Variants in NARS2 observed in about 807,000 individuals in gnomAD.
NARS2 encodes asparaginyl-tRNA synthetase 2, mitochondrial, also known as asparaginyl-tRNA synthetase.
Under a neutral mutation model 62.9 loss-of-function variants are expected in NARS2, and 60 were observed. That is an observed-to-expected ratio of 0.95 (90% CI 0.77 to 1.18). NARS2 has a LOEUF of 1.18. Among genes scored for constraint, NARS2 ranks in the 50% most tolerant of loss-of-function variants. NARS2 has a pLI of 0.00. For missense variants in NARS2, 619 were observed against 576.4 expected (o/e 1.07, Z -0.76); for synonymous variants, 196 against 200.0 (o/e 0.98, Z 0.17).
At chr11:78,566,036 A>G (rs112020759) in intron 4 of NARS2, 96 bp downstream of exon 4, 1 of 1,044,742 alleles carries the variant, frequency 9.6e-7, no homozygotes, top group Admixed American at 2.5e-5. Context: ...ACCCATAACT[A>G]ACAGACATGT....
intron 11 of NARS2, among the ~76,000 whole-genome samples, chr11:78,448,797 T>C (rs1206985196): frequency 6.6e-6 from 1 of 152,180 alleles, no homozygotes; most frequent in Non-Finnish European, 1.5e-5. Flanking sequence ...GCTTTCTCTA[T>C]GCAGTTCATG....
intron 7 of NARS2, among the ~76,000 whole-genome samples, chr11:78,486,964 A>G (rs1167714781): frequency 1.3e-5 from 2 of 152,214 alleles, no homozygotes; most frequent in Non-Finnish European, 2.9e-5. Context: ...TAAAAATTTC[A>G]CAGGATGGGC....
intron 11 of NARS2, among the ~76,000 whole-genome samples, chr11:78,448,647 T>C (rs1857849213): frequency 6.6e-6 from 1 of 152,260 alleles, no homozygotes; most frequent in East Asian, 1.9e-4. Flanking sequence ...ATGTAAAGGT[T>C]AAAGCCAGGG....
chr11:78,453,934 ATAC>A (rs1340055959), intron 11 of NARS2, among the ~76,000 whole-genome samples: 1 of 152,202 alleles, frequency 6.6e-6, no homozygotes, highest in African/African-American at 2.4e-5. Flanking sequence ...TTTTGCAAAG[ATAC>A]TACTAATGGC....
chr11:78,545,356 A>G (rs1855823626), intron 5 of NARS2, among the ~76,000 whole-genome samples: 1 of 151,962 alleles, frequency 6.6e-6, no homozygotes, highest in Non-Finnish European at 1.5e-5. Flanking sequence ...GTTCCCACTA[A>G]TCTTCCTCTC....
chr11:78,521,164 TTC>T (rs1382067846), intron 6 of NARS2, among the ~76,000 whole-genome samples: 1 of 150,094 alleles, frequency 6.7e-6, no homozygotes, highest in Admixed American at 6.6e-5. Context: ...TTCTCTCTCT[TTC>T]TTTTTTTTTT....
chr11:78,529,577 TGTTAAGA>T (rs1161333948), intron 5 of NARS2, among the ~76,000 whole-genome samples: 4 of 152,214 alleles, frequency 2.6e-5, no homozygotes. Context: ...ATTCAACATT[TGTTAAGA>T]GTTAAGCTAA....
intron 5 of NARS2, 80 bp downstream of exon 5, chr11:78,559,459 A>G: frequency 3.1e-6 from 3 of 954,534 alleles, no homozygotes; most frequent in Non-Finnish European, 5.0e-6. Context: ...TCTGTCCACA[A>G]AACTATTATT....
chr11:78,562,697 T>C (rs1357659870), intron 4 of NARS2, among the ~76,000 whole-genome samples: 1 of 152,238 alleles, frequency 6.6e-6, no homozygotes, highest in Non-Finnish European at 1.5e-5. Flanking sequence ...GAATGACTCA[T>C]TCCTTGAGGA....
At chr11:78,478,360 TAA>T (rs1484219586) in intron 9 of NARS2, 76 bp downstream of exon 9, 2 of 596,554 alleles carry the variant, frequency 3.4e-6, no homozygotes, top group African/African-American at 3.8e-5. Flanking sequence ...TAAGCAGATA[TAA>T]ATTTAAAAAA....
intron 3 of NARS2, 69 bp downstream of exon 3, chr11:78,568,563 C>A: frequency 6.8e-7 from 1 of 1,475,538 alleles, no homozygotes; most frequent in South Asian, 1.4e-5. Flanking sequence ...TCCTAATAAT[C>A]ACACTTAAAA....
At chr11:78,438,399 T>C (rs1298487913) in intron 13 of NARS2, among the ~76,000 whole-genome samples, 1 of 152,056 alleles carries the variant, frequency 6.6e-6, no homozygotes, top group African/African-American at 2.4e-5. Context: ...CGGGAAAGAG[T>C]ACACTTTGAC....
At chr11:78,466,869 G>A (rs1858645130) in intron 10 of NARS2, among the ~76,000 whole-genome samples, 1 of 152,168 alleles carries the variant, frequency 6.6e-6, no homozygotes, top group Non-Finnish European at 1.5e-5. Context: ...TATTTATTAA[G>A]CAAATACTAA....
chr11:78,538,943 C>A (rs887821315), intron 5 of NARS2, among the ~76,000 whole-genome samples: 5 of 121,610 alleles, frequency 4.1e-5, no homozygotes, highest in African/African-American at 1.6e-4. Context: ...TGCAGTGAGC[C>A]GAGATCGCGC....
intron 7 of NARS2, among the ~76,000 whole-genome samples, chr11:78,490,483 G>A (rs1412755780): frequency 2.0e-5 from 3 of 152,068 alleles, no homozygotes; most frequent in Non-Finnish European, 4.4e-5. Context: ...CATCAGTCAG[G>A]GCATCTACAG....
At chr11:78,523,647 C>T (rs1166892069) in intron 6 of NARS2, among the ~76,000 whole-genome samples, 1 of 152,178 alleles carries the variant, frequency 6.6e-6, no homozygotes, top group Non-Finnish European at 1.5e-5. Flanking sequence ...GAATGAAGTA[C>T]TGATACATGC....
intron 5 of NARS2, among the ~76,000 whole-genome samples, chr11:78,553,582 C>G (rs1856212159): frequency 1.3e-5 from 2 of 152,304 alleles, no homozygotes; most frequent in African/African-American, 4.8e-5. Flanking sequence ...AACCACCATG[C>G]CTAGCCATTT....
chr11:78,477,928 CCA>C (rs945667539), intron 9 of NARS2, among the ~76,000 whole-genome samples: 2 of 152,058 alleles, frequency 1.3e-5, no homozygotes, highest in African/African-American at 2.4e-5. Flanking sequence ...CTCTCTATCT[CCA>C]CACACACACC....
chr11:78,538,939 G>A (rs1855496301), intron 5 of NARS2, among the ~76,000 whole-genome samples: 1 of 126,492 alleles, frequency 7.9e-6, no homozygotes, highest in South Asian at 2.8e-4. Context: ...AGCTTGCAGT[G>A]AGCCGAGATC....
Sources: allele counts gnomAD v4.1 joint callset (sites outside exome capture counted in the v4.1 genomes callset), GRCh38; gene constraint gnomAD v4.1.1; transcripts MANE v1.5; gene names NCBI Gene and HGNC (gene_info 2026-07-23, HGNC 2026-07-21).